The following MTPAP variants were observed in gnomAD, a reference collection of about 807,000 sequenced individuals.
MTPAP encodes mitochondrial poly(A) polymerase, also known as poly(A) RNA polymerase, mitochondrial.
A neutral mutation model predicts 48.7 loss-of-function variants in MTPAP; 23 were observed. The ratio of observed to expected loss-of-function variants is 0.47; its 90% confidence interval spans 0.34 to 0.67. The LOEUF (loss-of-function observed/expected upper bound fraction) is 0.67. Ranked by LOEUF, MTPAP falls within the 30% of genes least tolerant of loss-of-function variation. The pLI is 0.01. For synonymous variants in MTPAP, 257 were observed against 254.1 expected (o/e 1.01, Z -0.11); for missense variants, 614 against 694.3 (o/e 0.88, Z 1.30).
At chr10:30,314,113 G>C (rs1214498348) in intron 8 of MTPAP, 142 bp from the exon 9 acceptor site, 3 of 989,932 alleles carry the variant, frequency 3.0e-6, no homozygotes, top group Admixed American at 4.2e-5. Context: ...TCAGGGGATT[G>C]AGTATGTATG....
chr10:30,346,834 C>T (rs1236245845), intron 1 of MTPAP, among the ~76,000 whole-genome samples: 1 of 152,036 alleles, frequency 6.6e-6, no homozygotes, highest in Non-Finnish European at 1.5e-5. Context: ...CCTCTTCATC[C>T]AAAGGGTGGG....
chr10:30,341,642 T>C lies in MTPAP; in HGVS notation c.158-2A>G. 1 of 1,613,880 alleles carries C rather than the reference T, an allele frequency of 6.2e-7. No homozygotes were observed. The highest frequency in any genetic ancestry group is 8.5e-7 in the Non-Finnish European group (1 of 1,179,992). On this transcript the variant is annotated splice_acceptor_variant, in intron 1 of 8. Transcript: ENST00000263063. LOFTEE classifies it high-confidence loss of function. ...TTTTGGGAATCTTGTCTTCAAAGCCTATGAACGAGACAAAAACATTTCCAC... is the reference window on the plus strand; with the variant it reads ...TTTTGGGAATCTTGTCTTCAAAGCCCATGAACGAGACAAAAACATTTCCAC...
At chr10:30,324,411 A>T (rs1328943587) in intron 5 of MTPAP, among the ~76,000 whole-genome samples, 3 of 151,994 alleles carry the variant, frequency 2.0e-5, no homozygotes, top group African/African-American at 4.8e-5. Context: ...AAAAATAGTC[A>T]GGCGTGGTGG....
At chr10:30,342,899 A>C (rs933600396) in intron 1 of MTPAP, among the ~76,000 whole-genome samples, 1 of 152,200 alleles carries the variant, frequency 6.6e-6, no homozygotes, top group Non-Finnish European at 1.5e-5. Flanking sequence ...ACAGGGAATC[A>C]AGACAAGAAT....
At position 30,313,815 on chromosome 10, in the gene MTPAP, C is replaced by T; in HGVS notation, c.1543G>A (p.Asp515Asn). 1 of 1,614,188 alleles carries T rather than the reference C, an allele frequency of 6.2e-7. No individual in the cohort carries two copies. Among genetic ancestry groups the T allele is most frequent in the South Asian group, 1.1e-5 (1 of 91,082 alleles). The change falls in exon 9 of 9, where the codon GAT (aspartate) becomes AAT (asparagine). Residue 515 changes from aspartate (D) to asparagine (N), a missense_variant. By Grantham distance (23) the Asp-to-Asn change is conservative. Around this residue, in one of 5 missense-constraint regions of MTPAP, gnomAD observed 109 missense variants for 100.5 expected, o/e 1.08. Coordinates refer to ENST00000263063, the MANE Select transcript of MTPAP (RefSeq NM_018109.4). ...CGATTACTTGATATGGAAGGTCGAT[C>T]TGTATCTTCCTGTTGTAAAATCCAG... Reference protein sequence around the residue: ...SAWILQQEDTDRPSISSNRPW... With the variant: ...SAWILQQEDTNRPSISSNRPW...
At chr10:30,320,881 T>G (rs2480296) in intron 6 of MTPAP, among the ~76,000 whole-genome samples, 68,830 of 152,060 alleles carry the variant, frequency 0.45, 17,525 homozygotes, top group East Asian at 0.81. Flanking sequence ...AAAGTTCCGT[T>G]ATTTTTCCCC....
intron 4 of MTPAP, among the ~76,000 whole-genome samples, chr10:30,335,209 G>A (rs75487665): frequency 1.4e-3 from 206 of 152,288 alleles, no homozygotes; most frequent in Non-Finnish European, 2.4e-3. Flanking sequence ...AGCCTTGGCC[G>A]CGTGTGGTGA....
chr10:30,319,773 C>T lies in MTPAP; in HGVS notation c.1219+2618G>A, dbSNP rs1840700567. 3.3e-5 allele frequency among the ~76,000 whole-genome samples: 5 copies of T among 152,290 alleles called. No individual in the cohort carries two copies. In the South Asian group the frequency reaches 1.0e-3, roughly 32 times the overall value. On this transcript the variant is annotated intron_variant, in intron 6 of 8. Transcript: ENST00000263063. The stretch of plus-strand genomic sequence containing the variant: ...TTTTGCTTGGCATTTATTGGCAATT[C>T]GCACCTACAATGTGCTATATGCCGA...
chr10:30,318,387 A>G (rs909824266), intron 6 of MTPAP, among the ~76,000 whole-genome samples: 1 of 152,216 alleles, frequency 6.6e-6, no homozygotes, highest in Non-Finnish European at 1.5e-5. Context: ...GTATGTATAT[A>G]TATTTCTACT....
intron 3 of MTPAP, among the ~76,000 whole-genome samples, chr10:30,338,848 G>T (rs1457462993): frequency 1.3e-5 from 2 of 152,152 alleles, no homozygotes; most frequent in Non-Finnish European, 2.9e-5. Context: ...GACAGGCCAG[G>T]TGCAGTGGCT....
At chr10:30,314,223 GGAT>G (rs1840635094) in intron 8 of MTPAP, among the ~76,000 whole-genome samples, 1 of 151,372 alleles carries the variant, frequency 6.6e-6, no homozygotes, top group Non-Finnish European at 1.5e-5. Flanking sequence ...TATCATCTAT[GGAT>G]GATGATGTCA....
intron 5 of MTPAP, among the ~76,000 whole-genome samples, chr10:30,325,707 T>C (rs1371091570): frequency 6.6e-6 from 1 of 152,118 alleles, no homozygotes; most frequent in South Asian, 2.1e-4. Context: ...GATCGTGCAG[T>C]GTGCTGCACT....
chr10:30,327,737 T>C (rs904300659), intron 4 of MTPAP, among the ~76,000 whole-genome samples: 1 of 150,244 alleles, frequency 6.7e-6, no homozygotes, highest in Admixed American at 6.6e-5. Context: ...ACCAAGCTAC[T>C]TGGGAGGCTG....
intron 4 of MTPAP, 114 bp from the exon 5 acceptor site, chr10:30,326,749 A>G (rs1313927929): frequency 2.5e-6 from 2 of 785,090 alleles, no homozygotes; most frequent in Non-Finnish European, 4.2e-6. Context: ...CAAAATAAGA[A>G]AAAAACAACC....
At chr10:30,318,368 A>C (rs1168970339) in intron 6 of MTPAP, among the ~76,000 whole-genome samples, 1 of 152,206 alleles carries the variant, frequency 6.6e-6, no homozygotes, top group Non-Finnish European at 1.5e-5. Flanking sequence ...GGAGCTATAT[A>C]AAATGTATGT....
intron 4 of MTPAP, among the ~76,000 whole-genome samples, chr10:30,333,156 A>T (rs983660121): frequency 3.9e-5 from 6 of 151,932 alleles, no homozygotes; most frequent in African/African-American, 9.6e-5. Context: ...AAATAAATTT[A>T]AAAAAAAGAA....
At chr10:30,326,786 C>G (rs1834603455) in intron 4 of MTPAP, 151 bp from the exon 5 acceptor site, 1 of 668,634 alleles carries the variant, frequency 1.5e-6, no homozygotes, top group Non-Finnish European at 2.6e-6. Context: ...TTCAAGAAAT[C>G]ACAGCCAAAA....
At chr10:30,347,171 CACT>C (rs1351894203) in intron 1 of MTPAP, among the ~76,000 whole-genome samples, 1 of 152,186 alleles carries the variant, frequency 6.6e-6, no homozygotes, top group East Asian at 1.9e-4. Flanking sequence ...CAGCTCTTTC[CACT>C]ACTAACATGA....
At chr10:30,320,105 T>C (rs1840704270) in intron 6 of MTPAP, among the ~76,000 whole-genome samples, 1 of 152,232 alleles carries the variant, frequency 6.6e-6, no homozygotes, top group Admixed American at 6.5e-5. Context: ...AAAAGTTTTT[T>C]AAAAAATTAG....
Sources: gnomAD v4.1 joint callset for allele counts (sites outside exome capture counted in the v4.1 genomes callset) on GRCh38, gnomAD v4.1.1 for gene constraint, gnomAD v4.1.1 regional missense constraint, MANE v1.5 for transcripts, NCBI Gene and HGNC (gene_info 2026-07-23, HGNC 2026-07-21) for gene names.